CNTLN: variants seen among roughly 807,000 people sequenced by gnomAD.
CNTLN encodes the protein centlein, centrosomal protein.
In CNTLN, 212 loss-of-function variants were observed where a neutral mutation model predicts 180.0. That is an observed-to-expected ratio of 1.18 (90% CI 1.05 to 1.32). CNTLN has a LOEUF of 1.32. Ranked by LOEUF, CNTLN falls within the 40% of genes most tolerant of loss-of-function variation. The pLI is 0.00. For missense variants in CNTLN, 2,095 were observed against 1,610.9 expected (o/e 1.30, Z -5.14); for synonymous variants, 722 against 563.1 (o/e 1.28, Z -3.99).
At chr9:17,495,774 C>G (rs919947992) in intron 25 of CNTLN, among the ~76,000 whole-genome samples, 1 of 152,202 alleles carries the variant, frequency 6.6e-6, no homozygotes, top group African/African-American at 2.4e-5. Flanking sequence ...TCCAGTCCCA[C>G]AGGCTCCATT....
chr9:17,448,752 G>C (rs377530064), intron 18 of CNTLN, among the ~76,000 whole-genome samples: 2 of 151,824 alleles, frequency 1.3e-5, no homozygotes, highest in African/African-American at 4.8e-5. Flanking sequence ...CTTTAAATTG[G>C]GATGGATTCT....
chr9:17,449,851 A>C (rs1463229919), intron 18 of CNTLN, among the ~76,000 whole-genome samples: 2 of 152,240 alleles, frequency 1.3e-5, no homozygotes. Flanking sequence ...AAAACTATTC[A>C]TATAAATTAA....
intron 18 of CNTLN, chr9:17,448,118 C>A: frequency 5.0e-6 from 1 of 200,106 alleles, no homozygotes; most frequent in South Asian, 1.1e-4. Flanking sequence ...ACCGTACTCC[C>A]TTCATTGTTT....
downstream of CNTLN, among the ~76,000 whole-genome samples, chr9:17,507,576 T>C (rs1833955360): frequency 6.6e-6 from 1 of 152,232 alleles, no homozygotes; most frequent in Non-Finnish European, 1.5e-5. Context: ...TTCTAATTCC[T>C]ACATTTCCAT....
intron 2 of CNTLN, among the ~76,000 whole-genome samples, chr9:17,199,037 A>G (rs1480995065): frequency 6.6e-6 from 1 of 152,054 alleles, no homozygotes; most frequent in Non-Finnish European, 1.5e-5. Flanking sequence ...TCATTTGGGT[A>G]TATACTCAGT....
Position 17,394,629 on chromosome 9 carries a change from G to C in CNTLN, c.2175G>C (p.Leu725=). The change falls in exon 15 of 26, where the codon CTG becomes CTC. Residue 725 remains leucine, a synonymous_variant. Coordinates refer to ENST00000380647, the MANE Select transcript of CNTLN (RefSeq NM_017738.4). The part of the protein sequence containing the change: ...NKKLMKENDF[L]KSLLKQQQED... The stretch of plus-strand genomic sequence containing the variant: ...AATTAATGAAAGAAAATGATTTTCT[G>C]AAATCCCTCTTAAAACAGCAACAAG... 1 of 1,605,676 alleles carries C rather than the reference G, an allele frequency of 6.2e-7. No individual in the cohort carries two copies. The highest frequency in any genetic ancestry group is 1.1e-5 in the South Asian group (1 of 88,112).
At chr9:17,527,023 G>A in the CNTLN span, among the ~76,000 whole-genome samples, 8 of 152,022 alleles carry the variant, frequency 5.3e-5, no homozygotes, top group Admixed American at 1.3e-4. Flanking sequence ...GATTATAGGC[G>A]TGCATCACCA....
intron 8 of CNTLN, among the ~76,000 whole-genome samples, chr9:17,316,563 G>A (rs150451749): frequency 5.3e-5 from 8 of 151,982 alleles, no homozygotes; most frequent in Admixed American, 3.9e-4. Flanking sequence ...CATAAGTCAA[G>A]GAGTGTACTG....
At chr9:17,527,109 C>G in the CNTLN span, among the ~76,000 whole-genome samples, 1 of 152,070 alleles carries the variant, frequency 6.6e-6, no homozygotes, top group Non-Finnish European at 1.5e-5. Flanking sequence ...TCTTCAACTC[C>G]TGACCTCAAG....
intron 12 of CNTLN, among the ~76,000 whole-genome samples, chr9:17,365,351 C>G (rs1399804874): frequency 1.3e-5 from 2 of 152,162 alleles, no homozygotes; most frequent in African/African-American, 4.8e-5. Flanking sequence ...CCTCCTCAGC[C>G]ATGCTTCCTG....
At chr9:17,350,865 G>A (rs771854470) in intron 12 of CNTLN, among the ~76,000 whole-genome samples, 7 of 152,094 alleles carry the variant, frequency 4.6e-5, no homozygotes, top group Non-Finnish European at 8.8e-5. Flanking sequence ...CAAATCTGAT[G>A]TATGAACACA....
chr9:17,252,247 A>G (rs1826187833), intron 5 of CNTLN, among the ~76,000 whole-genome samples: 1 of 151,762 alleles, frequency 6.6e-6, no homozygotes, highest in Admixed American at 6.6e-5. Context: ...TTTCCTTTGG[A>G]TAGATACCCA....
intron 13 of CNTLN, among the ~76,000 whole-genome samples, chr9:17,387,203 C>A (rs571438589): frequency 1.3e-5 from 2 of 152,124 alleles, no homozygotes; most frequent in Non-Finnish European, 2.9e-5. Context: ...ATATTGTTTT[C>A]TTTTTCCTTT....
At chr9:17,287,367 A>G (rs1312098147) in intron 6 of CNTLN, among the ~76,000 whole-genome samples, 3 of 148,286 alleles carry the variant, frequency 2.0e-5, no homozygotes, top group Non-Finnish European at 4.5e-5. Context: ...CCACTTGATC[A>G]TGGTGGATAA....
Position 17,340,838 on chromosome 9 carries a change from T to C in CNTLN, c.1656T>C (p.Asn552=), listed in dbSNP as rs747029018. 3.1e-6 allele frequency: 5 copies of C among 1,610,028 alleles called. No individual in the cohort carries two copies. In the South Asian group the frequency reaches 4.4e-5, roughly 14 times the overall value. The change falls in exon 11 of 26, where the codon AAT becomes AAC. Residue 552 remains asparagine (N), a synonymous_variant. Transcript: ENST00000380647. The part of the protein sequence containing the change: ...EKALQLKSQE[N]DELRDAHEKR... ...TTTGTGTTCTACAGAGCCAAGAAAA[T>C]GATGAGCTAAGAGATGCCCATGAAA...
intron 23 of CNTLN, among the ~76,000 whole-genome samples, chr9:17,479,118 A>G (rs537157293): frequency 2.6e-5 from 4 of 152,196 alleles, no homozygotes; most frequent in Non-Finnish European, 5.9e-5. Context: ...TGCAGCTGCT[A>G]TGGAAAACAG....
chr9:17,265,776 T>C (rs1224695157), intron 5 of CNTLN, among the ~76,000 whole-genome samples: 5 of 152,190 alleles, frequency 3.3e-5, no homozygotes, highest in Non-Finnish European at 7.3e-5. Context: ...GGAGAGTGTA[T>C]GTGTCGAGGA....
At chr9:17,257,809 C>CT (rs1320641925) in intron 5 of CNTLN, among the ~76,000 whole-genome samples, 1 of 146,644 alleles carries the variant, frequency 6.8e-6, no homozygotes, top group African/African-American at 2.6e-5. Flanking sequence ...CCTTTGCCCA[C>CT]TTTTTGATGG....
intron 13 of CNTLN, among the ~76,000 whole-genome samples, chr9:17,381,041 C>G (rs1302914301): frequency 6.6e-6 from 1 of 152,216 alleles, no homozygotes; most frequent in Non-Finnish European, 1.5e-5. Context: ...TAAATACAGC[C>G]AACAACAATT....
Sources: allele counts gnomAD v4.1 joint callset (sites outside exome capture counted in the v4.1 genomes callset), GRCh38; gene constraint gnomAD v4.1.1; transcripts MANE v1.5; gene names NCBI Gene and HGNC (gene_info 2026-07-23, HGNC 2026-07-21).